Variants in TASP1 observed in about 807,000 individuals in gnomAD.
TASP1 encodes the protein threonine aspartase 1.
A neutral mutation model predicts 56.6 loss-of-function variants in TASP1; 16 were observed. That is an observed-to-expected ratio of 0.28 (90% CI 0.19 to 0.43). The LOEUF is 0.43. TASP1 is among the 20% of genes least tolerant of loss of function. The pLI, the probability that TASP1 is intolerant of heterozygous loss-of-function variation, is 1.00. For synonymous variants in TASP1, 179 were observed against 184.2 expected (o/e 0.97, Z 0.23); for missense variants, 393 against 511.6 (o/e 0.77, Z 2.24).
the TASP1 span, among the ~76,000 whole-genome samples, chr20:13,175,552 G>A: frequency 3.3e-5 from 5 of 152,118 alleles, no homozygotes; most frequent in African/African-American, 1.2e-4. Context: ...CAAAGGCATA[G>A]AGCAATGACA....
At chr20:13,590,186 C>T (rs994675667) in intron 4 of TASP1, among the ~76,000 whole-genome samples, 1 of 152,084 alleles carries the variant, frequency 6.6e-6, no homozygotes, top group African/African-American at 2.4e-5. Context: ...GAGCCAAGAT[C>T]TTGCACCACT....
intron 11 of TASP1, among the ~76,000 whole-genome samples, chr20:13,465,833 G>A (rs1413540675): frequency 7.6e-6 from 1 of 130,790 alleles, no homozygotes; most frequent in Non-Finnish European, 1.6e-5. Context: ...TAAAGTCAGG[G>A]TGGGTGGGTG....
chr20:13,184,116 A>G, the TASP1 span, among the ~76,000 whole-genome samples: 3 of 152,146 alleles, frequency 2.0e-5, no homozygotes, highest in South Asian at 6.2e-4. Flanking sequence ...TATTCAAGAA[A>G]TATTTATTAA....
At chr20:13,255,993 C>T in the TASP1 span, among the ~76,000 whole-genome samples, 1 of 151,840 alleles carries the variant, frequency 6.6e-6, no homozygotes, top group Non-Finnish European at 1.5e-5. Context: ...CATGGAAAAC[C>T]GTGAAGATCC....
the TASP1 span, chr20:13,299,344 A>G: frequency 1.2e-6 from 2 of 1,613,958 alleles, no homozygotes; most frequent in Non-Finnish European, 1.7e-6. The surrounding 1 kb of genome is among the most constrained non-coding windows in gnomAD (Gnocchi z 5.8). Flanking sequence ...ATTATCTGCA[A>G]GGGTGACTGG....
chr20:13,493,237 G>A (rs1169789801), intron 10 of TASP1, among the ~76,000 whole-genome samples: 2 of 152,198 alleles, frequency 1.3e-5, no homozygotes, highest in African/African-American at 4.8e-5. Context: ...CAGAGGAAGT[G>A]TGTAATTGAC....
At chr20:13,144,974 A>G in the TASP1 span, among the ~76,000 whole-genome samples, 1,200 of 152,192 alleles carry the variant, frequency 7.9e-3, 16 homozygotes, top group African/African-American at 0.027. Context: ...ACAGGGTTTC[A>G]CCATGTTAGC....
At chr20:13,401,602 C>T (rs1028242508) in intron 13 of TASP1, among the ~76,000 whole-genome samples, 1 of 152,186 alleles carries the variant, frequency 6.6e-6, no homozygotes, top group African/African-American at 2.4e-5. Flanking sequence ...AATATCTTTT[C>T]TCAAGTTAGT....
intron 5 of TASP1, among the ~76,000 whole-genome samples, chr20:13,582,545 C>T (rs2047164170): frequency 6.6e-6 from 1 of 152,006 alleles, no homozygotes; most frequent in African/African-American, 2.4e-5. Context: ...GTTATTTACC[C>T]TGCAAGATAT....
intron 10 of TASP1, among the ~76,000 whole-genome samples, chr20:13,487,592 T>G (rs896313979): frequency 2.0e-5 from 3 of 152,122 alleles, no homozygotes; most frequent in Non-Finnish European, 4.4e-5. Flanking sequence ...GAATTCAGCA[T>G]GTCCCATGCT....
At chr20:13,215,262 A>C in the TASP1 span, among the ~76,000 whole-genome samples, 1 of 152,174 alleles carries the variant, frequency 6.6e-6, no homozygotes, top group African/African-American at 2.4e-5. Context: ...AAAGGAAGCT[A>C]AATGAACTCT....
chr20:13,485,766 A>G (rs895126117), intron 10 of TASP1, among the ~76,000 whole-genome samples: 1 of 152,206 alleles, frequency 6.6e-6, no homozygotes, highest in South Asian at 2.1e-4. Flanking sequence ...GAAACGCCAT[A>G]AAGTTTAATT....
At chr20:13,126,593 C>A in the TASP1 span, 1 of 1,613,316 alleles carries the variant, frequency 6.2e-7, no homozygotes, top group South Asian at 1.1e-5. Flanking sequence ...TATTTAAGGA[C>A]CTCGTGGATT....
intron 11 of TASP1, among the ~76,000 whole-genome samples, chr20:13,440,455 A>C (rs2043174351): frequency 6.6e-6 from 1 of 152,186 alleles, no homozygotes; most frequent in Non-Finnish European, 1.5e-5. Context: ...AGGCCAGGAA[A>C]GGTAATTCTA....
At chr20:13,381,671 C>T in the TASP1 span, among the ~76,000 whole-genome samples, 5 of 152,308 alleles carry the variant, frequency 3.3e-5, no homozygotes, top group East Asian at 7.7e-4. Flanking sequence ...CTTATGCTTG[C>T]ACTTCTCCAC....
the TASP1 span, among the ~76,000 whole-genome samples, chr20:13,178,937 C>T: frequency 1.3e-5 from 2 of 152,052 alleles, no homozygotes; most frequent in Admixed American, 6.6e-5. Context: ...ATGTCCCCAA[C>T]ACAAAGAAAT....
the TASP1 span, chr20:13,166,898 G>A: frequency 6.6e-6 from 1 of 152,182 alleles, no homozygotes; most frequent in Non-Finnish European, 1.5e-5. Context: ...TTCATTGTGG[G>A]AAACTACTTA....
the TASP1 span, among the ~76,000 whole-genome samples, chr20:13,269,957 A>C: frequency 7.2e-5 from 11 of 151,908 alleles, no homozygotes; most frequent in Non-Finnish European, 1.5e-4. Flanking sequence ...GGATGGATGG[A>C]TGGATGGATA....
the TASP1 span, among the ~76,000 whole-genome samples, chr20:13,260,476 G>C: frequency 1.3e-5 from 2 of 152,232 alleles, no homozygotes; most frequent in Non-Finnish European, 2.9e-5. Context: ...GAAGGATAGA[G>C]AGAAAGGAGA....
Sources: gnomAD v4.1 joint callset for allele counts (sites outside exome capture counted in the v4.1 genomes callset) on GRCh38, gnomAD v4.1.1 for gene constraint, Gnocchi (gnomAD v3.1) non-coding constraint, MANE v1.5 for transcripts, NCBI Gene and HGNC (gene_info 2026-07-23, HGNC 2026-07-21) for gene names.